CASTOR2: variants seen among roughly 807,000 people sequenced by gnomAD.
CASTOR2 encodes the protein GATS protein like 2.
In CASTOR2, 8 loss-of-function variants were observed where a neutral mutation model predicts 31.2. That is an observed-to-expected ratio of 0.26 (90% CI 0.15 to 0.46). The LOEUF (loss-of-function observed/expected upper bound fraction) is 0.46. CASTOR2 is among the 20% of genes least tolerant of loss of function. The probability of loss-of-function intolerance (pLI) is 0.99; values close to 1 mark genes in which losing one functional copy is unlikely to be tolerated. For synonymous variants in CASTOR2, 162 were observed against 158.7 expected (o/e 1.02, Z -0.16); for missense variants, 216 against 382.1 (o/e 0.57, Z 3.62).
At chr7:74,991,929 G>A (rs1554437384) in intron 1 of CASTOR2, among the ~76,000 whole-genome samples, 2 of 152,112 alleles carry the variant, frequency 1.3e-5, no homozygotes, top group African/African-American at 4.8e-5. Context: ...TCACATTTGT[G>A]CTTTGAGAAG....
rs1304164473 is a variant in CASTOR2, at chr7:75,008,200, G to A, written c.184+136G>A. 3.3e-5 allele frequency: 37 copies of A among 1,134,130 alleles called. No homozygotes were observed. In the African/African-American group the frequency reaches 5.3e-4, roughly 16 times the overall value. The allele number at this position is 1,134,130 out of a possible 1,614,324, so 70.3% of individuals were successfully genotyped here. On this transcript the variant is annotated intron_variant, in intron 2 of 8. Coordinates refer to ENST00000616305, the MANE Select transcript of CASTOR2 (RefSeq NM_001145064.3). Reference sequence around the variant, plus strand: ...TACCTCCTTACTTCTGCCCTCATCTGCTGGTCAGCTGGAAAAACAGCAGAG... The same window carrying A: ...TACCTCCTTACTTCTGCCCTCATCTACTGGTCAGCTGGAAAAACAGCAGAG...
At chr7:75,009,653 G>A (rs1157785260) in intron 2 of CASTOR2, among the ~76,000 whole-genome samples, 23 of 151,812 alleles carry the variant, frequency 1.5e-4, no homozygotes, top group Non-Finnish European at 2.9e-4. Flanking sequence ...TAATGGAGGG[G>A]CACTTTCCAG....
intron 1 of CASTOR2, among the ~76,000 whole-genome samples, chr7:74,999,219 C>A (rs1316578767): frequency 1.3e-5 from 2 of 151,922 alleles, no homozygotes; most frequent in East Asian, 3.9e-4. Flanking sequence ...ACCGTGTTAG[C>A]CAGGATGGTC....
At chr7:75,008,184 A>C in intron 2 of CASTOR2, 120 bp downstream of exon 2, 2 of 1,255,138 alleles carry the variant, frequency 1.6e-6, no homozygotes, top group Non-Finnish European at 1.2e-6. Context: ...CTACCTCCTT[A>C]CTTCTGCCCT....
In CASTOR2 at chr7:75,026,874, G is replaced by A. The variant is rs1448928880; in HGVS notation, c.*2175G>A. On this transcript the variant is annotated 3_prime_UTR_variant, in exon 9 of 9. Coordinates refer to ENST00000616305, the MANE Select transcript of CASTOR2 (RefSeq NM_001145064.3). Reference sequence around the variant, plus strand: ...TTCCTTCCCGCCGTGCAAGTGTGTCGGCCCCGTGACCCCAGAGTCGTGTGT... The same window carrying A: ...TTCCTTCCCGCCGTGCAAGTGTGTCAGCCCCGTGACCCCAGAGTCGTGTGT... Among the ~76,000 whole-genome samples, 2 of 152,006 alleles carry A rather than the reference G, an allele frequency of 1.3e-5. No homozygotes were observed. Among genetic ancestry groups the A allele is most frequent in the Non-Finnish European group, 2.9e-5 (2 of 68,020 alleles).
chr7:75,030,224 T>C lies in CASTOR2; in HGVS notation c.*5525T>C, dbSNP rs918207387. Among the ~76,000 whole-genome samples the C allele has an allele frequency of 5.9e-5, 9 of 152,330 alleles. No homozygotes were observed. In the East Asian group the frequency reaches 1.5e-3, roughly 26 times the overall value. On this transcript the variant is annotated 3_prime_UTR_variant, in exon 9 of 9. Transcript: ENST00000616305. Reference sequence around the variant, plus strand: ...GTGTGTTTATGCACACGTTTGTGCATGTACCTGTGAGCGTGGATGTGTTCC... The same window carrying C: ...GTGTGTTTATGCACACGTTTGTGCACGTACCTGTGAGCGTGGATGTGTTCC...
At chr7:75,010,420 G>C (rs1295284307) in intron 2 of CASTOR2, among the ~76,000 whole-genome samples, 1 of 152,128 alleles carries the variant, frequency 6.6e-6, no homozygotes, top group African/African-American at 2.4e-5. Context: ...TTGGGGTAGA[G>C]TCTCCTGGGG....
chr7:74,997,531 T>C (rs1804380813), intron 1 of CASTOR2, among the ~76,000 whole-genome samples: 2 of 151,764 alleles, frequency 1.3e-5, no homozygotes, highest in Admixed American at 6.6e-5. Flanking sequence ...GTTCAAGCGA[T>C]TCTTGTGCTT....
chr7:75,015,516 G>T, intron 2 of CASTOR2, among the ~76,000 whole-genome samples: 1 of 151,990 alleles, frequency 6.6e-6, no homozygotes, highest in East Asian at 1.9e-4. Context: ...GGCCTCAAGC[G>T]ATCCTCCTAC....
intron 1 of CASTOR2, among the ~76,000 whole-genome samples, chr7:74,995,159 C>T (rs1554437768): frequency 4.0e-5 from 6 of 151,808 alleles, no homozygotes; most frequent in East Asian, 3.9e-4. Context: ...GGCAGGGGGT[C>T]GGGGTAAGGA....
intron 1 of CASTOR2, among the ~76,000 whole-genome samples, chr7:75,006,003 G>GC (rs1409564087): frequency 1.3e-5 from 2 of 152,178 alleles, no homozygotes; most frequent in African/African-American, 2.4e-5. Context: ...GGTGGTGGGC[G>GC]CCTGTAAGCC....
At chr7:74,983,647 CTTGAGTGA>C (rs1554436469) in intron 1 of CASTOR2, among the ~76,000 whole-genome samples, 3 of 151,640 alleles carry the variant, frequency 2.0e-5, no homozygotes, top group Admixed American at 6.6e-5. Flanking sequence ...TTCTTGAGTG[CTTGAGTGA>C]GGCACACTTG....
chr7:74,983,111 G>C (rs1263544492), intron 1 of CASTOR2, among the ~76,000 whole-genome samples: 1 of 57,132 alleles, frequency 1.8e-5, no homozygotes, highest in African/African-American at 7.5e-5. Flanking sequence ...TCCTGGGTTT[G>C]AGCGATTCTC....
chr7:75,021,098 TCTC>T (rs1804990932), intron 6 of CASTOR2, among the ~76,000 whole-genome samples: 1 of 152,076 alleles, frequency 6.6e-6, no homozygotes, highest in East Asian at 1.9e-4. Context: ...TTCAAGTGAT[TCTC>T]CTGCCTCAGC....
chr7:74,989,482 C>T (rs1321487016), intron 1 of CASTOR2, among the ~76,000 whole-genome samples: 2 of 151,962 alleles, frequency 1.3e-5, no homozygotes, highest in South Asian at 2.1e-4. Flanking sequence ...AGTGCAGTGG[C>T]GCAATCATAG....
chr7:74,977,056 C>T (rs1185249960), intron 1 of CASTOR2, among the ~76,000 whole-genome samples: 5 of 150,838 alleles, frequency 3.3e-5, no homozygotes, highest in South Asian at 2.1e-4. Flanking sequence ...TGGTGGTGGG[C>T]GCCTGTAATC....
chr7:74,998,163 A>G (rs1210416181), intron 1 of CASTOR2, among the ~76,000 whole-genome samples: 223 of 152,242 alleles, frequency 1.5e-3, no homozygotes, highest in African/African-American at 4.9e-3. Flanking sequence ...CTTTAACCCA[A>G]CTAAGCTTCG....
rs1805160046 is a variant in CASTOR2, at chr7:75,027,214, C to G, written c.*2515C>G. ...TCAGACCTGACTTGAGAGAACAAAG[C>G]CAGCAGCTCAAAGAGCCTGTGACAT... On this transcript the variant is annotated 3_prime_UTR_variant, in exon 9 of 9. Coordinates refer to ENST00000616305, the MANE Select transcript of CASTOR2 (RefSeq NM_001145064.3). 6.6e-6 allele frequency: 1 copy of G among 152,234 alleles called. No individual in the cohort carries two copies. Among genetic ancestry groups the G allele is most frequent in the South Asian group, 2.1e-4 (1 of 4,830 alleles). 9.4% of individuals were successfully genotyped at this position (152,234 alleles called of 1,614,324 possible).
rs1404095614 is a variant in CASTOR2 at position 75,027,991 on chromosome 7, T to C, written c.*3292T>C. 9.4e-5 allele frequency: 144 copies of C among 1,531,768 alleles called. No individual in the cohort carries two copies. The Middle Eastern group carries it at 9.6e-4, about 10-fold the overall frequency. 94.9% of individuals were successfully genotyped at this position (1,531,768 alleles called of 1,614,324 possible). ...CAGAGGGGCTCCATCCGCAGTTGCA[T>C]GGAACTCCTTACCTGTTTGCCGTCC... is the stretch of plus-strand genomic sequence containing the variant. On this transcript the variant is annotated 3_prime_UTR_variant, in exon 9 of 9. Transcript: ENST00000616305.
Sources: gnomAD v4.1 joint callset for allele counts (sites outside exome capture counted in the v4.1 genomes callset) on GRCh38, gnomAD v4.1.1 for gene constraint, MANE v1.5 for transcripts, NCBI Gene and HGNC (gene_info 2026-07-23, HGNC 2026-07-21) for gene names.